The following ADGRG1 variants were observed in gnomAD, a reference collection of about 807,000 sequenced individuals.
ADGRG1 encodes the protein adhesion G protein-coupled receptor G1.
In ADGRG1, 53 loss-of-function variants were observed where a neutral mutation model predicts 73.5. The observed-to-expected ratio is 0.72, with a 90% CI of 0.58 to 0.91. The LOEUF is 0.91. ADGRG1 is among the 40% of genes least tolerant of loss of function. The pLI is 0.00. For missense variants in ADGRG1, 795 were observed against 871.8 expected, an observed-to-expected ratio of 0.91 and a Z score of 1.11; for synonymous variants, 394 against 374.4, an observed-to-expected ratio of 1.05 and a Z score of -0.60.
Position 57,659,523 on chromosome 16 carries a change from A to C in ADGRG1, c.1397A>C (p.Glu466Ala). 1 of 1,613,914 alleles carries C rather than the reference A, an allele frequency of 6.2e-7. No homozygotes were observed. Among genetic ancestry groups the C allele is most frequent in the Non-Finnish European group, 8.5e-7 (1 of 1,179,948 alleles). Residue 466 changes from glutamate to alanine, a missense_variant, in exon 11 of 14, where the codon GAG becomes GCG. By Grantham distance (107) the Glu-to-Ala change is moderately radical. Transcript: ENST00000562631. ...GAGCCGGTGGCCCTGACAGGCTCTG[A>C]GGCTGGCTGCCGAGCCAGTGCCATC... ...LSEPVALTGSEAGCRASAIFL... is the reference protein window; with the variant it reads ...LSEPVALTGSAAGCRASAIFL...
Position 57,650,277 on chromosome 16 carries a change from G to A in ADGRG1, c.-11G>A, listed in dbSNP as rs112775979. On this transcript the variant is annotated 5_prime_UTR_variant, in exon 2 of 14. Coordinates refer to ENST00000562631, the MANE Select transcript of ADGRG1 (RefSeq NM_201525.4). ...GGTGGTGACTTCCAAGAGTGACTCC[G>A]TCGGAGGAAAATGACTCCCCAGTCG... 69 of 1,612,506 alleles carry A rather than the reference G, an allele frequency of 4.3e-5. No individual in the cohort carries two copies. In the African/African-American group the frequency reaches 4.4e-4, roughly 10 times the overall value.
chr16:57,663,630 C>G lies in ADGRG1; in HGVS notation c.*48C>G. On this transcript the variant is annotated 3_prime_UTR_variant, in exon 14 of 14. Coordinates refer to ENST00000562631, the MANE Select transcript of ADGRG1 (RefSeq NM_201525.4). Reference sequence around the variant, plus strand: ...TGATGAAGCAGAGATTCGGCCTCGTCGCACACTGCCTGTGGCCCCCGAGCC... The same window carrying G: ...TGATGAAGCAGAGATTCGGCCTCGTGGCACACTGCCTGTGGCCCCCGAGCC... 4.4e-6 allele frequency: 7 copies of G among 1,595,816 alleles called. No individual in the cohort carries two copies. The highest frequency in any genetic ancestry group is 4.5e-5 in the East Asian group (2 of 44,808).
Position 57,654,039 on chromosome 16 carries a change from T to A in ADGRG1, c.674T>A (p.Met225Lys), listed in dbSNP as rs2044827248. Residue 225 changes from methionine to lysine, a missense_variant, in exon 5 of 14, where the codon ATG (methionine) becomes AAG (lysine). By Grantham distance (95) the Met-to-Lys change is moderately conservative. Coordinates refer to ENST00000562631, the MANE Select transcript of ADGRG1 (RefSeq NM_201525.4). ...KLTSVRFMGD[M>K]VSFEEDRINA... ...ACCTCTGTGAGATTCATGGGGGACA[T>A]GGTGTCCTTCGAGGAGGACCGGATC... The A allele has an allele frequency of 5.0e-6, 8 of 1,614,036 alleles. No homozygotes were observed. Among genetic ancestry groups the A allele is most frequent in the East Asian group, 2.2e-5 (1 of 44,880 alleles).
chr16:57,660,679 G>T, intron 11 of ADGRG1, 89 bp from the exon 12 acceptor site: 18 of 1,505,544 alleles, frequency 1.2e-5, no homozygotes, highest in Non-Finnish European at 1.4e-5. Context: ...CTTCAGAGGG[G>T]CCCTTGCCCT....
intron 10 of ADGRG1, chr16:57,658,758 C>G (rs760998478): frequency 1.4e-4 from 21 of 155,104 alleles, no homozygotes; most frequent in Non-Finnish European, 2.7e-4. Context: ...GTCAGTGTAA[C>G]TCTCACCCCA....
Position 57,659,695 on chromosome 16 carries a change from C to T in ADGRG1, c.1555+14C>T, listed in dbSNP as rs746730288. 18 of 1,612,732 alleles carry T rather than the reference C, an allele frequency of 1.1e-5. No homozygotes were observed. Among genetic ancestry groups the T allele is most frequent in the Admixed American group, 3.3e-5 (2 of 59,996 alleles). On this transcript the variant is annotated intron_variant, in intron 11 of 13. Transcript: ENST00000562631. Reference sequence around the variant, plus strand: ...CCATGGGCTGGGGTAAGTGGTTGGGCGGGGGGTGCCTCAGACCTGCCTCTC... The same window carrying T: ...CCATGGGCTGGGGTAAGTGGTTGGGTGGGGGGTGCCTCAGACCTGCCTCTC...
At chr16:57,632,537 C>T (rs1453151957) in intron 1 of ADGRG1, among the ~76,000 whole-genome samples, 1 of 152,176 alleles carries the variant, frequency 6.6e-6, no homozygotes, top group Non-Finnish European at 1.5e-5. Flanking sequence ...TGTATTGAGG[C>T]CCAGAGATAA....
intron 1 of ADGRG1, among the ~76,000 whole-genome samples, chr16:57,629,787 C>T (rs1199551276): frequency 6.6e-6 from 1 of 152,102 alleles, no homozygotes; most frequent in Non-Finnish European, 1.5e-5. Flanking sequence ...GACTTCCCAC[C>T]CTGGTCCCCG....
chr16:57,644,602 A>G (rs2041899882), intron 1 of ADGRG1, among the ~76,000 whole-genome samples: 1 of 142,404 alleles, frequency 7.0e-6, no homozygotes, highest in Admixed American at 7.0e-5. Context: ...ACACTCATGC[A>G]AGGGCACACA....
At chr16:57,628,462 C>G, upstream of ADGRG1, 1 of 958,046 alleles carries the variant, frequency 1.0e-6, no homozygotes, top group Non-Finnish European at 1.2e-6. Context: ...CCCCCAGGAT[C>G]ACTGCCTCAG....
At chr16:57,648,505 G>A in intron 1 of ADGRG1, 5 of 968,610 alleles carry the variant, frequency 5.2e-6, no homozygotes, top group Non-Finnish European at 4.9e-6. Context: ...GGGACGCAGG[G>A]AACTGGCTCT....
chr16:57,642,364 G>A, intron 1 of ADGRG1: 3 of 985,332 alleles, frequency 3.0e-6, no homozygotes, highest in Non-Finnish European at 3.6e-6. Flanking sequence ...ATGCCTAAGT[G>A]TCTCCTCTAG....
intron 10 of ADGRG1, 85 bp from the exon 11 acceptor site, chr16:57,659,328 C>T (rs2046491999): frequency 6.2e-7 from 1 of 1,605,258 alleles, no homozygotes; most frequent in South Asian, 1.1e-5. Context: ...GGGGGGCAGT[C>T]TGGGAAGGCT....
intron 1 of ADGRG1, chr16:57,634,459 G>A: frequency 2.0e-6 from 2 of 985,446 alleles, no homozygotes; most frequent in Non-Finnish European, 2.4e-6. Flanking sequence ...CGCCCCTGGG[G>A]CATACACTTC....
At chr16:57,649,293 C>A (rs1350848706) in intron 1 of ADGRG1, among the ~76,000 whole-genome samples, 1 of 152,186 alleles carries the variant, frequency 6.6e-6, no homozygotes, top group African/African-American at 2.4e-5. Context: ...ATCCCCACAG[C>A]CTTTATCCAG....
chr16:57,637,515 A>T (rs1327130757), intron 1 of ADGRG1: 2 of 985,240 alleles, frequency 2.0e-6, no homozygotes, highest in Non-Finnish European at 2.4e-6. Flanking sequence ...CTTTAAGCAC[A>T]GGATCCTTTG....
intron 10 of ADGRG1, among the ~76,000 whole-genome samples, chr16:57,658,564 G>C (rs1181207991): frequency 1.3e-5 from 2 of 152,244 alleles, no homozygotes; most frequent in Admixed American, 6.5e-5. Flanking sequence ...GTGCACAGCT[G>C]TGTACCTGGG....
In ADGRG1 at chr16:57,664,965, T is replaced by C. The variant is rs1467357801; in HGVS notation, c.*1383T>C. The C allele has an allele frequency of 1.3e-5, 2 of 153,100 alleles. No homozygotes were observed. The highest frequency in any genetic ancestry group is 2.9e-5 in the Non-Finnish European group (2 of 68,050). The allele number at this position is 153,100 out of a possible 1,614,324, so 9.5% of individuals were successfully genotyped here. On this transcript the variant is annotated 3_prime_UTR_variant, in exon 14 of 14. Transcript: ENST00000562631. ...GAAGTACATGTTCATTGTAGAGAAT[T>C]TGGAAACTGTAGAAGAGAATCAAGA...
rs190546129 is a variant in ADGRG1, at chr16:57,630,989, G to A, written c.-36+2187G>A. ...GCTCTGTGGGGGGGAAGAGAGGCAG[G>A]AGGACTCGCCAGGCAGGTGCTGTGT... On this transcript the variant is annotated intron_variant, in intron 1 of 13. Coordinates refer to ENST00000562631, the MANE Select transcript of ADGRG1 (RefSeq NM_201525.4). The A allele has an allele frequency of 2.5e-5, 25 of 986,026 alleles. No individual in the cohort carries two copies. In the African/African-American group the frequency reaches 4.4e-4, roughly 17 times the overall value. 61.1% of individuals were successfully genotyped at this position (986,026 alleles called of 1,614,324 possible). A position where few individuals can be genotyped will look rare whatever the true frequency, so the allele number is the denominator to read the frequency against.
Sources: gnomAD v4.1 joint callset for allele counts (sites outside exome capture counted in the v4.1 genomes callset) on GRCh38, gnomAD v4.1.1 for gene constraint, MANE v1.5 for transcripts, NCBI Gene and HGNC (gene_info 2026-07-23, HGNC 2026-07-21) for gene names.